Variants in STAG1 observed in about 807,000 individuals in gnomAD.
The protein encoded by STAG1 is cohesin subunit SA-1.
A neutral mutation model predicts 170.9 loss-of-function variants in STAG1; 26 were observed. The ratio of observed to expected loss-of-function variants is 0.15; its 90% CI spans 0.11 to 0.21. STAG1 has a LOEUF of 0.21. Ranked by LOEUF, STAG1 falls within the 10% of genes least tolerant of loss-of-function variation. STAG1 has a pLI of 1.00. For synonymous variants in STAG1, 514 were observed against 497.7 expected (o/e 1.03, Z -0.44); for missense variants, 964 against 1,509.5 (o/e 0.64, Z 5.99).
Position 136,374,571 on chromosome 3 carries a change from T to A in STAG1, c.2370+3089A>T, listed in dbSNP as rs188867131. ...GGTGGAGGTTGGGGTGACCCGAGAA[T>A]GTGCCACTGCACTCCAGCCTGGGCA... On this transcript the variant is annotated intron_variant, in intron 23 of 33. Transcript: ENST00000383202. Among the ~76,000 whole-genome samples the A allele has an allele frequency of 1.2e-3, 177 of 151,762 alleles. 1 individual carries two copies. The highest frequency in any genetic ancestry group is 0.011 in the Admixed American group (162 of 15,240).
intron 2 of STAG1, among the ~76,000 whole-genome samples, chr3:136,625,906 G>A (rs1297487246): frequency 1.3e-5 from 2 of 152,136 alleles, no homozygotes; most frequent in Non-Finnish European, 2.9e-5. Flanking sequence ...CCATAAATAA[G>A]ACTGGGCGCA....
chr3:136,511,047 C>T (rs994417094), intron 7 of STAG1, among the ~76,000 whole-genome samples: 5 of 152,330 alleles, frequency 3.3e-5, no homozygotes, highest in African/African-American at 1.2e-4. Flanking sequence ...GCTGGGATTA[C>T]AGGCATGAGC....
At chr3:136,501,345 C>A (rs923105400) in intron 8 of STAG1, among the ~76,000 whole-genome samples, 10 of 152,116 alleles carry the variant, frequency 6.6e-5, no homozygotes, top group African/African-American at 2.4e-4. Flanking sequence ...ACCCCTAGTA[C>A]CTCAGAATGT....
At chr3:136,741,656 T>C (rs1367462547) in intron 1 of STAG1, among the ~76,000 whole-genome samples, 1 of 152,130 alleles carries the variant, frequency 6.6e-6, no homozygotes, top group Non-Finnish European at 1.5e-5. Context: ...TTAGTAGAGA[T>C]GGGGTTTCTC....
intron 3 of STAG1, among the ~76,000 whole-genome samples, chr3:136,612,457 A>C (rs1939347269): frequency 1.3e-5 from 2 of 152,180 alleles, no homozygotes; most frequent in Admixed American, 1.3e-4. Flanking sequence ...AAATAAAAAA[A>C]TTTATCAATT....
intron 4 of STAG1, among the ~76,000 whole-genome samples, chr3:136,594,509 T>A (rs1329712710): frequency 6.6e-6 from 1 of 152,230 alleles, no homozygotes; most frequent in African/African-American, 2.4e-5. Context: ...ATTGTCTCAC[T>A]AAGTATACTT....
At chr3:136,650,696 G>A (rs1375616374) in intron 1 of STAG1, among the ~76,000 whole-genome samples, 1 of 152,060 alleles carries the variant, frequency 6.6e-6, no homozygotes, top group Admixed American at 6.6e-5. Context: ...AGGACAGAGC[G>A]ATTACAGCCT....
At chr3:136,405,129 A>T (rs2087440318) in intron 21 of STAG1, among the ~76,000 whole-genome samples, 1 of 151,958 alleles carries the variant, frequency 6.6e-6, no homozygotes. Context: ...GACAATTAAC[A>T]TCCTCTTCAA....
chr3:136,463,770 TAC>T (rs375928916), intron 13 of STAG1, among the ~76,000 whole-genome samples: 2,436 of 126,338 alleles, frequency 0.019, 38 homozygotes, highest in East Asian at 0.073. Context: ...TGTGTGTGTA[TAC>T]ACACACACAC....
chr3:136,557,464 C>T (rs2107746741), intron 5 of STAG1, among the ~76,000 whole-genome samples: 1 of 152,306 alleles, frequency 6.6e-6, no homozygotes, highest in South Asian at 2.1e-4. Context: ...CTAAACTTCA[C>T]ATAAACTAGA....
intron 15 of STAG1, among the ~76,000 whole-genome samples, chr3:136,440,534 T>C (rs895751456): frequency 1.3e-5 from 2 of 151,980 alleles, no homozygotes; most frequent in Non-Finnish European, 2.9e-5. Flanking sequence ...GGAGAAGCTC[T>C]ACCTTACTCT....
intron 1 of STAG1, among the ~76,000 whole-genome samples, chr3:136,633,683 G>C (rs1940422296): frequency 9.6e-6 from 1 of 104,660 alleles, no homozygotes; most frequent in South Asian, 3.7e-4. Flanking sequence ...CTGGACAACA[G>C]AGCAAAAGTT....
intron 5 of STAG1, 139 bp from the exon 6 acceptor site, chr3:136,542,334 T>C: frequency 1.5e-6 from 1 of 659,366 alleles, no homozygotes. Flanking sequence ...AAACATAAAA[T>C]GTTGTTTGAT....
At chr3:136,630,526 A>T (rs1268238520) in intron 2 of STAG1, among the ~76,000 whole-genome samples, 1 of 152,248 alleles carries the variant, frequency 6.6e-6, no homozygotes, top group African/African-American at 2.4e-5. Context: ...AAGTAGTCAT[A>T]AACAGCATGT....
chr3:136,635,004 C>T (rs1227141146), intron 1 of STAG1, among the ~76,000 whole-genome samples: 2 of 152,020 alleles, frequency 1.3e-5, no homozygotes, highest in Non-Finnish European at 2.9e-5. Flanking sequence ...CAAAAATCTC[C>T]CCAGGAAGAA....
intron 1 of STAG1, among the ~76,000 whole-genome samples, chr3:136,656,300 C>T (rs1021336223): frequency 6.6e-5 from 10 of 151,918 alleles, no homozygotes; most frequent in African/African-American, 2.2e-4. Context: ...TTTTATTTAA[C>T]GGGTATAGAG....
At chr3:136,677,953 A>G (rs896805999) in intron 1 of STAG1, among the ~76,000 whole-genome samples, 3 of 147,562 alleles carry the variant, frequency 2.0e-5, no homozygotes, top group African/African-American at 7.4e-5. Flanking sequence ...TATATTTTAT[A>G]TATGTATATA....
chr3:136,400,539 CTT>C (rs560722126), intron 21 of STAG1, among the ~76,000 whole-genome samples: 15 of 139,738 alleles, frequency 1.1e-4, no homozygotes, highest in East Asian at 2.1e-4. Context: ...AATTTTCTTT[CTT>C]TTTTTTTTTT....
intron 7 of STAG1, among the ~76,000 whole-genome samples, chr3:136,514,431 TAG>T (rs1934241646): frequency 6.6e-6 from 1 of 152,176 alleles, no homozygotes; most frequent in East Asian, 1.9e-4. Flanking sequence ...AGAGAGGATG[TAG>T]AGACATAGGA....
Sources: gnomAD v4.1 joint callset for allele counts (sites outside exome capture counted in the v4.1 genomes callset) on GRCh38, gnomAD v4.1.1 for gene constraint, MANE v1.5 for transcripts, NCBI Gene and HGNC (gene_info 2026-07-23, HGNC 2026-07-21) for gene names.